The following RABGAP1 variants were observed in gnomAD, a reference collection of about 807,000 sequenced individuals.
The protein encoded by RABGAP1 is rab GTPase-activating protein 1.
Under a neutral mutation model 137.6 loss-of-function variants are expected in RABGAP1, and 23 were observed. The ratio of observed to expected loss-of-function variants is 0.17; its 90% CI spans 0.12 to 0.24. RABGAP1 has a LOEUF of 0.24. Among genes scored for constraint, RABGAP1 ranks in the 10% least tolerant of loss-of-function variants. The pLI, the probability that RABGAP1 is intolerant of heterozygous loss-of-function variation, is 1.00. For synonymous variants in RABGAP1, 451 were observed against 450.7 expected (o/e 1.00, Z -0.01); for missense variants, 906 against 1,275.8 (o/e 0.71, Z 4.42).
chr9:123,101,453 T>C, intron 24 of RABGAP1, 113 bp from the exon 25 acceptor site: 3 of 1,004,934 alleles, frequency 3.0e-6, no homozygotes, highest in Non-Finnish European at 4.2e-6. Flanking sequence ...TTTCAGAAAC[T>C]GTAGTGCTCA....
chr9:123,073,593 G>A lies in RABGAP1; in HGVS notation c.2025G>A (p.Met675Ile). 2 of 1,613,914 alleles carry A rather than the reference G, an allele frequency of 1.2e-6. No individual in the cohort carries two copies. The highest frequency in any genetic ancestry group is 1.7e-6 in the Non-Finnish European group (2 of 1,179,824). ...EQAFSVLVKI[M>I]FDYGLRELFK... ...CATTCAGTGTTCTGGTCAAGATCAT[G>A]TTTGACTATGGGCTCAGGGAACTTT... Residue 675 changes from methionine (M) to isoleucine (I), a missense_variant, in exon 16 of 26, where the codon ATG becomes ATA. This residue lies in a region of RABGAP1 where 30 missense variants were observed against 105.8 expected (regional missense o/e 0.28). Transcript: ENST00000373647.
intron 21 of RABGAP1, among the ~76,000 whole-genome samples, chr9:123,091,737 A>G (rs573443754): frequency 6.6e-6 from 1 of 152,020 alleles, no homozygotes; most frequent in Non-Finnish European, 1.5e-5. Context: ...CAGTTTTTGC[A>G]GGGAGAATGT....
At chr9:122,983,201 A>G (rs887449422) in intron 2 of RABGAP1, among the ~76,000 whole-genome samples, 4 of 152,124 alleles carry the variant, frequency 2.6e-5, no homozygotes, top group African/African-American at 9.7e-5. Flanking sequence ...TTAAAGCAGA[A>G]CTTCTAAAAA....
At position 122,974,034 on chromosome 9, in the gene RABGAP1, C is replaced by G. The variant is rs572018818; in HGVS notation, c.151-10451C>G. ...CCAAAAAAAAAAAAGAAAAAAAGAA[C>G]CTGGTAATCTTGTCCTCTGTAATGC... On this transcript the variant is annotated intron_variant, in intron 2 of 25. Coordinates refer to ENST00000373647, the MANE Select transcript of RABGAP1 (RefSeq NM_012197.4). Among the ~76,000 whole-genome samples, 297 of 151,604 alleles carry G rather than the reference C, an allele frequency of 2.0e-3. 2 individuals carry two copies. Among genetic ancestry groups the G allele is most frequent in the Non-Finnish European group, 3.7e-3 (253 of 67,860 alleles).
intron 1 of RABGAP1, among the ~76,000 whole-genome samples, chr9:122,944,526 CT>C (rs1191268726): frequency 4.7e-5 from 7 of 149,146 alleles, no homozygotes; most frequent in South Asian, 2.1e-4. Context: ...TTGTTTGTTT[CT>C]TTTTTTTTTC....
rs369903427 is a variant in RABGAP1, at chr9:123,062,795, C to G, written c.1795-2553C>G. 2.9e-4 allele frequency: 44 copies of G among 151,740 alleles called. No homozygotes were observed. In the Middle Eastern group the frequency reaches 0.01, roughly 35 times the overall value. The allele number at this position is 151,740 out of a possible 1,614,324, so 9.4% of individuals were successfully genotyped here. On this transcript the variant is annotated intron_variant, in intron 13 of 25. Transcript: ENST00000373647. ...TCTAAATCTCGTCTCCTCTCTCTCT[C>G]TTTTTTTTAATTGAGACAGGTCTCG...
chr9:122,991,881 A>G (rs913381426), intron 6 of RABGAP1, among the ~76,000 whole-genome samples: 2 of 152,076 alleles, frequency 1.3e-5, no homozygotes, highest in African/African-American at 4.8e-5. Context: ...GATTACAGGC[A>G]TGAGCCAACC....
At chr9:122,977,992 A>G (rs928581789) in intron 2 of RABGAP1, among the ~76,000 whole-genome samples, 3 of 152,236 alleles carry the variant, frequency 2.0e-5, no homozygotes, top group Non-Finnish European at 4.4e-5. Flanking sequence ...TGTGGAAATC[A>G]TACTTTTTCT....
Position 123,103,391 on chromosome 9 carries a change from G to A in RABGAP1, c.*178G>A. On this transcript the variant is annotated 3_prime_UTR_variant, in exon 26 of 26. Coordinates refer to ENST00000373647, the MANE Select transcript of RABGAP1 (RefSeq NM_012197.4). The stretch of plus-strand genomic sequence containing the variant: ...GTGAAGCAGGCAACCTCTGGGGTAA[G>A]ACTACTGATACTAACAGGCCTGCTA... 1.1e-6 allele frequency: 1 copy of A among 901,994 alleles called. No homozygotes were observed. The highest frequency in any genetic ancestry group is 1.6e-6 in the Non-Finnish European group (1 of 618,902). 55.9% of individuals were successfully genotyped at this position (901,994 alleles called of 1,614,324 possible). A position where few individuals can be genotyped will look rare whatever the true frequency, so the allele number is the denominator to read the frequency against.
At chr9:123,042,268 A>G (rs1307212315) in intron 13 of RABGAP1, among the ~76,000 whole-genome samples, 2 of 152,200 alleles carry the variant, frequency 1.3e-5, no homozygotes, top group African/African-American at 2.4e-5. Context: ...ATGCCCATCA[A>G]TCAACACATC....
Position 122,986,252 on chromosome 9 carries a change from T to C in RABGAP1, c.423T>C (p.Asp141=), listed in dbSNP as rs1255015465. 3.1e-6 allele frequency: 5 copies of C among 1,614,214 alleles called. No individual in the cohort carries two copies. Among genetic ancestry groups the C allele is most frequent in the South Asian group, 1.1e-5 (1 of 91,082 alleles). Residue 141 remains aspartate, a synonymous_variant, in exon 4 of 26, where the codon GAT becomes GAC. Transcript: ENST00000373647. The part of the protein sequence containing the change: ...EASSPFTPVA[D]EDSVVFSKLT... ...CAAGTCCTTTCACACCAGTGGCCGA[T>C]GAGGACAGCGTAGTTTTCAGTAAAC...
intron 13 of RABGAP1, among the ~76,000 whole-genome samples, chr9:123,043,736 C>G (rs1234669794): frequency 6.6e-6 from 1 of 151,816 alleles, no homozygotes; most frequent in East Asian, 1.9e-4. Context: ...CAGAAAATAG[C>G]AACTTAAGCA....
chr9:122,998,532 A>T (rs1270971043), intron 9 of RABGAP1, 65 bp from the exon 10 acceptor site: 1 of 1,230,912 alleles, frequency 8.1e-7, no homozygotes, highest in East Asian at 2.6e-5. Context: ...CTTTTATGGA[A>T]TCTTATGAGC....
At chr9:122,998,081 TA>T (rs1425748379) in intron 9 of RABGAP1, among the ~76,000 whole-genome samples, 42 of 151,318 alleles carry the variant, frequency 2.8e-4, no homozygotes, top group Non-Finnish European at 5.4e-4. Flanking sequence ...GTTTTTGTTT[TA>T]TTTTTTTTAT....
chr9:122,963,604 G>A (rs1160707225), intron 2 of RABGAP1, among the ~76,000 whole-genome samples: 4 of 152,132 alleles, frequency 2.6e-5, no homozygotes, highest in African/African-American at 9.7e-5. Flanking sequence ...TAAGACTTAT[G>A]GGATACAGCT....
At chr9:123,079,814 T>C (rs1386100111) in intron 19 of RABGAP1, among the ~76,000 whole-genome samples, 1 of 152,040 alleles carries the variant, frequency 6.6e-6, no homozygotes, top group African/African-American at 2.4e-5. Flanking sequence ...AATTGCAGTA[T>C]CTAAAGTAGC....
rs1554734075 is a variant in RABGAP1, at chr9:123,103,623, A to ATATATATATG, written c.*419_*420insGTATATATAT. On this transcript the variant is annotated 3_prime_UTR_variant, in exon 26 of 26. Transcript: ENST00000373647. ...TATATATATATATATATATATATAT[A>ATATATATATG]TATATATATATATAGTGGGGGTGGG... The ATATATATATG allele has an allele frequency of 6.6e-4, 60 of 90,926 alleles. No homozygotes were observed. Among genetic ancestry groups the ATATATATATG allele is most frequent in the Non-Finnish European group, 8.7e-4 (43 of 49,424 alleles). The allele number at this position is 90,926 out of a possible 1,614,324, so 5.6% of individuals were successfully genotyped here.
At chr9:122,968,979 T>C (rs1014603793) in intron 2 of RABGAP1, among the ~76,000 whole-genome samples, 1 of 152,216 alleles carries the variant, frequency 6.6e-6, no homozygotes, top group Non-Finnish European at 1.5e-5. Context: ...TAGCAAATAC[T>C]AGGTCTTATT....
intron 13 of RABGAP1, among the ~76,000 whole-genome samples, chr9:123,027,406 G>T (rs2032041338): frequency 1.3e-5 from 2 of 152,172 alleles, no homozygotes; most frequent in African/African-American, 4.8e-5. Context: ...GAGCCACCGT[G>T]CCCTGCCAAC....
Sources: gnomAD v4.1 joint callset for allele counts (sites outside exome capture counted in the v4.1 genomes callset) on GRCh38, gnomAD v4.1.1 for gene constraint, gnomAD v4.1.1 regional missense constraint, MANE v1.5 for transcripts, NCBI Gene and HGNC (gene_info 2026-07-23, HGNC 2026-07-21) for gene names.